TRPC6: variants seen among roughly 807,000 people sequenced by gnomAD.
The protein encoded by TRPC6 is short transient receptor potential channel 6.
A neutral mutation model predicts 90.7 loss-of-function variants in TRPC6; 55 were observed. The observed-to-expected ratio is 0.61, with a 90% confidence interval of 0.49 to 0.76. TRPC6 has a LOEUF of 0.76. Among genes scored for constraint, TRPC6 ranks in the 30% least tolerant of loss-of-function variants. The pLI is 0.00. For synonymous variants in TRPC6, 393 were observed against 393.0 expected, an observed-to-expected ratio of 1.00 and a Z score of 0.00; for missense variants, 989 against 1,122.7, an observed-to-expected ratio of 0.88 and a Z score of 1.70.
At chr11:101,466,803 T>C (rs1353969144) in intron 10 of TRPC6, among the ~76,000 whole-genome samples, 1 of 152,212 alleles carries the variant, frequency 6.6e-6, no homozygotes, top group Non-Finnish European at 1.5e-5. Context: ...GTTCAGTGTC[T>C]GCCCAAACAG....
At chr11:101,569,704 G>C (rs1256862732) in intron 1 of TRPC6, among the ~76,000 whole-genome samples, 1 of 152,098 alleles carries the variant, frequency 6.6e-6, no homozygotes, top group East Asian at 1.9e-4. Flanking sequence ...TAGAACTCAG[G>C]ATTAAGAAAC....
chr11:101,459,213 A>G (rs1858949110), intron 10 of TRPC6, among the ~76,000 whole-genome samples: 1 of 152,168 alleles, frequency 6.6e-6, no homozygotes, highest in Non-Finnish European at 1.5e-5. Flanking sequence ...TATGAGATGT[A>G]CCCAGGATTA....
chr11:101,583,120 G>A (rs1357058164), intron 1 of TRPC6: 1 of 971,626 alleles, frequency 1.0e-6, no homozygotes, highest in African/African-American at 1.8e-5. Context: ...GTACCTACGA[G>A]GAGCAAACCT....
chr11:101,537,225 C>A (rs959179068), intron 1 of TRPC6, among the ~76,000 whole-genome samples: 1 of 152,062 alleles, frequency 6.6e-6, no homozygotes, highest in African/African-American at 2.4e-5. Flanking sequence ...TTATATTATA[C>A]CTTTTTTTCA....
chr11:101,500,397 G>A (rs1860088596), intron 2 of TRPC6, among the ~76,000 whole-genome samples: 1 of 151,728 alleles, frequency 6.6e-6, no homozygotes, highest in Admixed American at 6.6e-5. Context: ...TTTTAGTAGA[G>A]ACAGGTTTCA....
At chr11:101,572,103 T>C (rs11224869) in intron 1 of TRPC6, among the ~76,000 whole-genome samples, 2 of 151,718 alleles carry the variant, frequency 1.3e-5, no homozygotes, top group South Asian at 2.1e-4. Context: ...ATGGGAGAAA[T>C]TTTTTGCAAT....
intron 1 of TRPC6, among the ~76,000 whole-genome samples, chr11:101,558,490 C>T (rs1565243697): frequency 8.0e-6 from 1 of 124,462 alleles, no homozygotes; most frequent in East Asian, 2.6e-4. Context: ...CACACACACA[C>T]ACACACATAT....
chr11:101,538,011 T>C (rs1211011153), intron 1 of TRPC6, among the ~76,000 whole-genome samples: 2 of 152,166 alleles, frequency 1.3e-5, no homozygotes, highest in Non-Finnish European at 2.9e-5. Flanking sequence ...TCTTGCTTTG[T>C]TTTTAATTTT....
At position 101,583,410 on chromosome 11, in the gene TRPC6, G is replaced by A. The variant is rs781551749; in HGVS notation, c.94C>T (p.Leu32=). 27 of 1,581,870 alleles carry A rather than the reference G, an allele frequency of 1.7e-5. No individual in the cohort carries two copies. In the East Asian group the frequency reaches 5.6e-4, roughly 33 times the overall value. ...AARRNESQDY[L]LMDSELGEDG... Reference sequence around the variant, plus strand: ...TCTCCCAGCTCCGAGTCCATGAGCAGATAGTCCTGGCTCTCGTTGCGCCGC... The same window carrying A: ...TCTCCCAGCTCCGAGTCCATGAGCAAATAGTCCTGGCTCTCGTTGCGCCGC... Residue 32 remains leucine, a synonymous_variant, in exon 1 of 13, where the codon CTG becomes TTG. Transcript: ENST00000344327.
rs200960139 is a variant in TRPC6 at position 101,583,842 on chromosome 11, A to G, written c.-339T>C. On this transcript the variant is annotated 5_prime_UTR_variant, in exon 1 of 13. Transcript: ENST00000344327. ...GAAGCGTAAGAGCGGAGAGCAAGGG[A>G]GACGGAGCTGAAGAGTTACTATGTC... is the stretch of plus-strand genomic sequence containing the variant. The G allele has an allele frequency of 2.6e-5, 7 of 272,660 alleles. No homozygotes were observed. The highest frequency in any genetic ancestry group is 1.0e-3 in the Middle Eastern group (1 of 976). The allele number at this position is 272,660 out of a possible 1,614,324, so 16.9% of individuals were successfully genotyped here.
In TRPC6 at chr11:101,509,160, G is replaced by A. The variant is rs144937221; in HGVS notation, c.171-4362C>T. On this transcript the variant is annotated intron_variant, in intron 1 of 12. Transcript: ENST00000344327. ...TCTTTTTTTTTTGAGACAGGATCTC[G>A]TTCTGTTGCCTTACTATAGCCGCAA... Among the ~76,000 whole-genome samples, 261 of 148,966 alleles carry A rather than the reference G, an allele frequency of 1.8e-3. 3 individuals carry two copies. The highest frequency in any genetic ancestry group is 5.8e-3 in the African/African-American group (231 of 40,158).
Position 101,578,971 on chromosome 11 carries a change from G to GT in TRPC6, c.170+4362_170+4363insA, listed in dbSNP as rs777441019. 5.2e-4 allele frequency among the ~76,000 whole-genome samples: 78 copies of GT among 151,446 alleles called. 1 individual carries two copies. Among genetic ancestry groups the GT allele is most frequent in the South Asian group, 2.5e-3 (12 of 4,806 alleles). ...CAATTTAAATGATATGTTTAAATGG[G>GT]GTTTTTTTTCTGTTTTACAATAATA... is the stretch of plus-strand genomic sequence containing the variant. On this transcript the variant is annotated intron_variant, in intron 1 of 12. Coordinates refer to ENST00000344327, the MANE Select transcript of TRPC6 (RefSeq NM_004621.6).
At chr11:101,533,627 T>C (rs891452406) in intron 1 of TRPC6, among the ~76,000 whole-genome samples, 1 of 152,200 alleles carries the variant, frequency 6.6e-6, no homozygotes, top group Non-Finnish European at 1.5e-5. Flanking sequence ...CAGGGAGTCA[T>C]AGCAGAAAGA....
chr11:101,460,672 C>A (rs1858984271), intron 10 of TRPC6, among the ~76,000 whole-genome samples: 1 of 152,150 alleles, frequency 6.6e-6, no homozygotes, highest in Admixed American at 6.5e-5. Context: ...CCATAACCAT[C>A]TCCTTGGAAT....
chr11:101,514,258 A>C (rs1388490131), intron 1 of TRPC6, among the ~76,000 whole-genome samples: 1 of 140,586 alleles, frequency 7.1e-6, no homozygotes, highest in Non-Finnish European at 1.6e-5. Flanking sequence ...GTACAGCCAC[A>C]GAAAAATAAG....
intron 1 of TRPC6, among the ~76,000 whole-genome samples, chr11:101,572,124 G>C (rs1396271477): frequency 6.6e-6 from 1 of 152,086 alleles, no homozygotes; most frequent in African/African-American, 2.4e-5. Flanking sequence ...CTATCCATCT[G>C]ACAAAGGGCT....
At chr11:101,463,973 T>G (rs780718145) in intron 10 of TRPC6, among the ~76,000 whole-genome samples, 6 of 152,208 alleles carry the variant, frequency 3.9e-5, no homozygotes, top group Non-Finnish European at 8.8e-5. Context: ...AAACACTGTT[T>G]TAAATGTTTC....
intron 4 of TRPC6, among the ~76,000 whole-genome samples, chr11:101,488,292 C>T (rs1859723385): frequency 6.6e-6 from 1 of 152,178 alleles, no homozygotes; most frequent in South Asian, 2.1e-4. Context: ...AAGGCTAGAT[C>T]CATCTGAACA....
At chr11:101,514,345 A>G (rs560859951) in intron 1 of TRPC6, among the ~76,000 whole-genome samples, 1 of 152,368 alleles carries the variant, frequency 6.6e-6, no homozygotes, top group East Asian at 1.9e-4. Context: ...AGTGTGGCAT[A>G]TAAATGATTA....
Sources: gnomAD v4.1 joint callset for allele counts (sites outside exome capture counted in the v4.1 genomes callset) on GRCh38, gnomAD v4.1.1 for gene constraint, MANE v1.5 for transcripts, NCBI Gene and HGNC (gene_info 2026-07-23, HGNC 2026-07-21) for gene names.